STK32B: variants seen among roughly 807,000 people sequenced by gnomAD.
STK32B encodes the protein serine/threonine kinase 32B, also known as serine/threonine-protein kinase 32B.
In STK32B, 43 loss-of-function variants were observed where a neutral mutation model predicts 52.6. That is an observed-to-expected ratio of 0.82 (90% CI 0.64 to 1.05). The LOEUF (loss-of-function observed/expected upper bound fraction) is 1.05. Ranked by LOEUF, STK32B falls within the 50% of genes least tolerant of loss-of-function variation. The pLI is 0.00. For synonymous variants in STK32B, 238 were observed against 204.3 expected (o/e 1.17, Z -1.41); for missense variants, 621 against 534.6 (o/e 1.16, Z -1.59).
At chr4:5,036,364 C>G in the STK32B span, among the ~76,000 whole-genome samples, 1 of 152,206 alleles carries the variant, frequency 6.6e-6, no homozygotes, top group Admixed American at 6.5e-5. Flanking sequence ...CACTGGAAAT[C>G]ATCATCCTCG....
upstream of STK32B, among the ~76,000 whole-genome samples, chr4:5,050,292 T>C (rs1233042173): frequency 2.0e-5 from 3 of 152,192 alleles, no homozygotes; most frequent in African/African-American, 7.2e-5. Flanking sequence ...TCAGCCCACT[T>C]TGCAGATAAG....
Position 5,378,859 on chromosome 4 carries a change from G to C in STK32B, c.435-19348G>C, listed in dbSNP as rs1315269508. On this transcript the variant is annotated intron_variant, in intron 4 of 11. Coordinates refer to ENST00000282908, the MANE Select transcript of STK32B (RefSeq NM_018401.3). This position sits in a 1 kb window ranked among gnomAD's most constrained non-coding sequence, Gnocchi z 4.4. The stretch of plus-strand genomic sequence containing the variant: ...ACTGCTGACTGGGGCTTGTGATCCT[G>C]GCACGCTGCTGCCATCCTTGCAGCA... Among the ~76,000 whole-genome samples, 1 of 152,130 alleles carries C rather than the reference G, an allele frequency of 6.6e-6. No homozygotes were observed. Among genetic ancestry groups the C allele is most frequent in the African/African-American group, 2.4e-5 (1 of 41,418 alleles).
At chr4:5,376,495 T>C (rs1300710433) in intron 4 of STK32B, among the ~76,000 whole-genome samples, 4 of 151,730 alleles carry the variant, frequency 2.6e-5, no homozygotes, top group Non-Finnish European at 4.4e-5. Context: ...TTGGAGAGGA[T>C]CCGCTCAGAG....
At chr4:5,323,931 T>C (rs56891824) in intron 3 of STK32B, among the ~76,000 whole-genome samples, 27,160 of 152,204 alleles carry the variant, frequency 0.18, 2,965 homozygotes, top group African/African-American at 0.29. Context: ...CCAGCTCTGC[T>C]ATTCCCTGGC....
chr4:5,049,190 T>TCTTTTC (rs1455887493), upstream of STK32B, among the ~76,000 whole-genome samples: 1 of 151,750 alleles, frequency 6.6e-6, no homozygotes, highest in African/African-American at 2.4e-5. Flanking sequence ...GCCAATGCCT[T>TCTTTTC]CTTTTCTTTT....
intron 3 of STK32B, among the ~76,000 whole-genome samples, chr4:5,208,777 A>T (rs1165114601): frequency 6.6e-6 from 1 of 152,208 alleles, no homozygotes; most frequent in Non-Finnish European, 1.5e-5. Context: ...AAGGGAAAAG[A>T]TGAGAGATTA....
intron 3 of STK32B, among the ~76,000 whole-genome samples, chr4:5,312,257 G>GTTT (rs144734513): frequency 2.7e-3 from 405 of 147,690 alleles, no homozygotes; most frequent in African/African-American, 9.2e-3. Context: ...CTTACGTTTA[G>GTTT]TTTTTTTTTT....
At chr4:5,284,295 T>G (rs1172222985) in intron 3 of STK32B, among the ~76,000 whole-genome samples, 3 of 152,052 alleles carry the variant, frequency 2.0e-5, no homozygotes, top group African/African-American at 7.2e-5. Flanking sequence ...GGAAATAGTT[T>G]TAAATGGCAA....
chr4:5,446,303 C>T (rs1715415004), intron 6 of STK32B, among the ~76,000 whole-genome samples: 3 of 152,174 alleles, frequency 2.0e-5, no homozygotes, highest in African/African-American at 4.8e-5. Context: ...CGATGGCTCA[C>T]GCCTGTAATC....
chr4:5,051,010 A>G (rs1281097497), upstream of STK32B, among the ~76,000 whole-genome samples: 1 of 152,050 alleles, frequency 6.6e-6, no homozygotes, highest in Admixed American at 6.5e-5. Flanking sequence ...TTAAGGGGTC[A>G]GAAAGTAAAC....
chr4:5,242,704 GT>G (rs1474885778), intron 3 of STK32B, among the ~76,000 whole-genome samples: 1 of 151,154 alleles, frequency 6.6e-6, no homozygotes, highest in East Asian at 2.0e-4. Flanking sequence ...GGTTTTTATG[GT>G]TTTAGGTCTA....
At chr4:5,316,906 AAT>A (rs1730924818) in intron 3 of STK32B, among the ~76,000 whole-genome samples, 4 of 23,762 alleles carry the variant, frequency 1.7e-4, no homozygotes, top group Non-Finnish European at 2.3e-4. Flanking sequence ...TATAATATAT[AAT>A]ATATATGATA....
intron 3 of STK32B, among the ~76,000 whole-genome samples, chr4:5,175,369 A>G (rs1356672297): frequency 2.6e-5 from 4 of 152,124 alleles, no homozygotes; most frequent in Non-Finnish European, 5.9e-5. Flanking sequence ...TTTGGAGGAG[A>G]AGAGGCACTC....
chr4:5,267,723 C>T (rs992624956), intron 3 of STK32B, among the ~76,000 whole-genome samples: 2 of 152,110 alleles, frequency 1.3e-5, no homozygotes, highest in African/African-American at 4.8e-5. Context: ...AACAAATTAC[C>T]CGAGAGTGCG....
chr4:5,297,610 T>C (rs1027393978), intron 3 of STK32B, among the ~76,000 whole-genome samples: 12 of 151,518 alleles, frequency 7.9e-5, no homozygotes, highest in African/African-American at 2.7e-4. Context: ...CGTGCTGTGT[T>C]TTTCAGCTCT....
At chr4:5,173,797 A>G (rs1442262822) in intron 3 of STK32B, among the ~76,000 whole-genome samples, 5 of 152,070 alleles carry the variant, frequency 3.3e-5, no homozygotes, top group Non-Finnish European at 5.9e-5. Context: ...TGGGGTGGAG[A>G]GTTCTGTAGA....
At chr4:5,294,470 C>T (rs1033265210) in intron 3 of STK32B, among the ~76,000 whole-genome samples, 1 of 151,990 alleles carries the variant, frequency 6.6e-6, no homozygotes, top group Non-Finnish European at 1.5e-5. Flanking sequence ...TTATAGTTCT[C>T]CTTGAAGGAT....
rs150732832 is a variant in STK32B at position 5,307,019 on chromosome 4, T to C, written c.261-24201T>C. Among the ~76,000 whole-genome samples the C allele has an allele frequency of 3.2e-3, 484 of 152,350 alleles. 5 individuals carry two copies. The highest frequency in any genetic ancestry group is 0.018 in the Admixed American group (272 of 15,308). On this transcript the variant is annotated intron_variant, in intron 3 of 11. Coordinates refer to ENST00000282908, the MANE Select transcript of STK32B (RefSeq NM_018401.3). ...GCTAAGAAATCTGCTGTTAATCTGA[T>C]AGGTTTTCCTTTATAGGTTGCCTGA...
intron 3 of STK32B, among the ~76,000 whole-genome samples, chr4:5,288,504 T>G (rs938181303): frequency 2.6e-5 from 4 of 152,220 alleles, no homozygotes; most frequent in African/African-American, 9.6e-5. Flanking sequence ...GAACATCTTT[T>G]CATGGGTTTT....
Sources: allele counts gnomAD v4.1 joint callset (sites outside exome capture counted in the v4.1 genomes callset), GRCh38; gene constraint gnomAD v4.1.1; non-coding constraint Gnocchi (gnomAD v3.1); transcripts MANE v1.5; gene names NCBI Gene and HGNC (gene_info 2026-07-23, HGNC 2026-07-21).